Variants in AGBL1 observed in about 807,000 individuals in gnomAD.
AGBL1 encodes cytosolic carboxypeptidase 4.
A neutral mutation model predicts 118.9 loss-of-function variants in AGBL1; 130 were observed. The observed-to-expected ratio is 1.09, with a 90% CI of 0.95 to 1.26. The LOEUF (loss-of-function observed/expected upper bound fraction) is 1.26. Among genes scored for constraint, AGBL1 ranks in the 50% most tolerant of loss-of-function variants. The pLI is 0.00. For missense variants in AGBL1, 1,584 were observed against 1,298.1 expected (o/e 1.22, Z -3.38); for synonymous variants, 555 against 478.9 (o/e 1.16, Z -2.08).
intron 24 of AGBL1, among the ~76,000 whole-genome samples, chr15:87,017,701 C>G (rs1402343613): frequency 1.3e-5 from 2 of 152,110 alleles, no homozygotes; most frequent in African/African-American, 4.8e-5. Flanking sequence ...AGAATCAACA[C>G]AAAAACCCTG....
chr15:86,745,883 G>T (rs547732754), intron 22 of AGBL1, among the ~76,000 whole-genome samples: 1 of 152,110 alleles, frequency 6.6e-6, no homozygotes, highest in African/African-American at 2.4e-5. Context: ...AATAGATTTG[G>T]GACAGAAACT....
chr15:86,679,623 C>T (rs1192432052), intron 22 of AGBL1, among the ~76,000 whole-genome samples: 4 of 150,690 alleles, frequency 2.7e-5, no homozygotes, highest in African/African-American at 7.2e-5. Flanking sequence ...GCATCCTCAC[C>T]ATAAACCTAA....
chr15:86,813,255 G>T (rs1284010733), intron 22 of AGBL1, among the ~76,000 whole-genome samples: 1 of 152,166 alleles, frequency 6.6e-6, no homozygotes, highest in South Asian at 2.1e-4. Flanking sequence ...TCAGTCCAAA[G>T]GGCCTTGAGT....
At chr15:86,472,906 A>G (rs1198461715) in intron 18 of AGBL1, among the ~76,000 whole-genome samples, 2 of 152,206 alleles carry the variant, frequency 1.3e-5, no homozygotes, top group African/African-American at 4.8e-5. Flanking sequence ...ATGACAGAGC[A>G]AGATTTCCAT....
chr15:86,688,242 T>C (rs79396708), intron 22 of AGBL1, among the ~76,000 whole-genome samples: 1,730 of 150,758 alleles, frequency 0.011, 25 homozygotes, highest in East Asian at 0.07. Context: ...AACATAAAGA[T>C]GATATTTAGA....
At chr15:86,292,537 C>T (rs2079564070) in intron 16 of AGBL1, among the ~76,000 whole-genome samples, 1 of 152,114 alleles carries the variant, frequency 6.6e-6, no homozygotes. Context: ...ATGATTCCAG[C>T]AGTAGTAGGA....
intron 22 of AGBL1, among the ~76,000 whole-genome samples, chr15:86,769,658 C>T (rs1051895369): frequency 2.0e-5 from 3 of 151,956 alleles, no homozygotes; most frequent in Non-Finnish European, 4.4e-5. Context: ...ATTCACCATC[C>T]CCATCGACAT....
chr15:86,755,502 C>T (rs1368199233), intron 22 of AGBL1, among the ~76,000 whole-genome samples: 1 of 152,068 alleles, frequency 6.6e-6, no homozygotes, highest in East Asian at 1.9e-4. Flanking sequence ...ACACCACTGC[C>T]ATTTCCTGAG....
chr15:86,261,645 T>G (rs895071561), intron 9 of AGBL1, among the ~76,000 whole-genome samples: 3 of 152,092 alleles, frequency 2.0e-5, no homozygotes, highest in African/African-American at 7.2e-5. Context: ...TTAAGGAAAC[T>G]TAATCTAGGA....
chr15:86,413,275 T>C (rs1263351121), intron 18 of AGBL1, among the ~76,000 whole-genome samples: 1 of 152,206 alleles, frequency 6.6e-6, no homozygotes, highest in Non-Finnish European at 1.5e-5. Flanking sequence ...CTTTCCCCAC[T>C]GAATCTCCAT....
chr15:86,818,508 A>G (rs1383765795), intron 22 of AGBL1, among the ~76,000 whole-genome samples: 1 of 152,318 alleles, frequency 6.6e-6, no homozygotes, highest in South Asian at 2.1e-4. Context: ...CACTCCCCCA[A>G]ACCCCAACTG....
intron 22 of AGBL1, among the ~76,000 whole-genome samples, chr15:86,834,823 A>C (rs1435408911): frequency 6.6e-6 from 1 of 152,196 alleles, no homozygotes; most frequent in Non-Finnish European, 1.5e-5. Flanking sequence ...TATGAGACCT[A>C]CATGGCATGC....
intron 1 of AGBL1, among the ~76,000 whole-genome samples, chr15:86,098,238 A>C (rs909977275): frequency 6.6e-6 from 1 of 152,088 alleles, no homozygotes; most frequent in South Asian, 2.1e-4. Flanking sequence ...ATAGTTTGCA[A>C]ATATTTCTCC....
intron 3 of AGBL1, among the ~76,000 whole-genome samples, chr15:86,147,173 G>A (rs796791722): frequency 1.3e-5 from 2 of 152,272 alleles, no homozygotes; most frequent in South Asian, 2.1e-4. Flanking sequence ...GAACAGCTCC[G>A]GTCTGCAGCA....
At chr15:86,958,223 A>G (rs975329338) in intron 23 of AGBL1, among the ~76,000 whole-genome samples, 1 of 150,676 alleles carries the variant, frequency 6.6e-6, no homozygotes, top group African/African-American at 2.4e-5. Flanking sequence ...AAAAAAAAAA[A>G]AGAAAAGAAA....
rs923530254 is a variant in AGBL1, at chr15:86,356,392, A to G, written c.2375-40974A>G. On this transcript the variant is annotated intron_variant, in intron 17 of 22. Transcript: ENST00000614907. ...CGCACGCACGCGCATGTGTCAGAGA[A>G]TAGGGAAAATGAAAAAAAATAGCTA... Among the ~76,000 whole-genome samples the G allele has an allele frequency of 6.6e-5, 10 of 152,098 alleles. No homozygotes were observed. In the East Asian group the frequency reaches 1.9e-3, roughly 30 times the overall value.
rs116597775 is a variant in AGBL1, at chr15:86,878,273, C to G, written c.3159-28814C>G. 3.4e-3 allele frequency among the ~76,000 whole-genome samples: 522 copies of G among 152,262 alleles called. 3 individuals are homozygous for G. Among genetic ancestry groups the G allele is most frequent in the African/African-American group, 0.012 (499 of 41,552 alleles). On this transcript the variant is annotated intron_variant, in intron 22 of 22. Coordinates refer to ENST00000614907, the MANE Select transcript of AGBL1 (RefSeq NM_001386094.1). ...AGTAAATATTTTAATCTTTGCAAGT[C>G]ATAGGGTCTGTCTTGCTATCATTCA... is the stretch of plus-strand genomic sequence containing the variant.
At chr15:86,252,590 C>A (rs1284140778) in intron 7 of AGBL1, among the ~76,000 whole-genome samples, 1 of 152,148 alleles carries the variant, frequency 6.6e-6, no homozygotes, top group Non-Finnish European at 1.5e-5. Context: ...CTTTGTGTAA[C>A]CATGCAGAGG....
chr15:86,675,330 C>T (rs971517631), intron 22 of AGBL1, among the ~76,000 whole-genome samples: 2 of 152,214 alleles, frequency 1.3e-5, no homozygotes, highest in Admixed American at 6.5e-5. Context: ...TTGAATTTTC[C>T]TCCTGTTCCT....
Sources: allele counts gnomAD v4.1 joint callset (sites outside exome capture counted in the v4.1 genomes callset), GRCh38; gene constraint gnomAD v4.1.1; transcripts MANE v1.5; gene names NCBI Gene and HGNC (gene_info 2026-07-23, HGNC 2026-07-21).